The following PDK1 variants were observed in gnomAD, a reference collection of about 807,000 sequenced individuals.
The protein encoded by PDK1 is [Pyruvate dehydrogenase (acetyl-transferring)] kinase isozyme 1, mitochondrial.
Under a neutral mutation model 54.2 loss-of-function variants are expected in PDK1, and 39 were observed. The ratio of observed to expected loss-of-function variants is 0.72; its 90% CI spans 0.56 to 0.94. The LOEUF is 0.94. Ranked by LOEUF, PDK1 falls within the 40% of genes least tolerant of loss-of-function variation. PDK1 has a pLI of 0.00. For missense variants in PDK1, 552 were observed against 566.0 expected, an observed-to-expected ratio of 0.98 and a Z score of 0.25; for synonymous variants, 221 against 207.1, an observed-to-expected ratio of 1.07 and a Z score of -0.58.
At chr2:172,700,286 G>A in the PDK1 span, among the ~76,000 whole-genome samples, 2 of 151,952 alleles carry the variant, frequency 1.3e-5, no homozygotes, top group African/African-American at 4.8e-5. Flanking sequence ...CTCCCAGACG[G>A]GGTGGCGGCC....
chr2:172,669,562 G>A, the PDK1 span, among the ~76,000 whole-genome samples: 14 of 152,074 alleles, frequency 9.2e-5, no homozygotes, highest in African/African-American at 2.7e-4. Flanking sequence ...TGGATCATAC[G>A]GTGGTTTTAT....
the PDK1 span, among the ~76,000 whole-genome samples, chr2:172,688,963 G>A: frequency 6.6e-6 from 1 of 152,098 alleles, no homozygotes; most frequent in Admixed American, 6.6e-5. Context: ...AGCTCTTAAA[G>A]GTGGCCCGGA....
the PDK1 span, among the ~76,000 whole-genome samples, chr2:172,643,197 T>G: frequency 1.3e-5 from 2 of 152,198 alleles, no homozygotes; most frequent in African/African-American, 4.8e-5. Context: ...GCTCTCACAT[T>G]GGTGTTATGG....
At chr2:172,650,612 T>C in the PDK1 span, among the ~76,000 whole-genome samples, 2 of 151,328 alleles carry the variant, frequency 1.3e-5, no homozygotes, top group Non-Finnish European at 2.9e-5. Flanking sequence ...ACACATAGGC[T>C]CAAAATAAAG....
At chr2:172,594,491 A>G (rs1169751242) in intron 10 of PDK1, among the ~76,000 whole-genome samples, 1 of 152,208 alleles carries the variant, frequency 6.6e-6, no homozygotes, top group Non-Finnish European at 1.5e-5. Flanking sequence ...AAAAAATCTC[A>G]TAATGTTTTA....
chr2:172,649,620 A>G, the PDK1 span, among the ~76,000 whole-genome samples: 1 of 152,208 alleles, frequency 6.6e-6, no homozygotes, highest in Non-Finnish European at 1.5e-5. Flanking sequence ...TAACTAGAAT[A>G]AAGAGCGTAG....
the PDK1 span, among the ~76,000 whole-genome samples, chr2:172,657,998 A>G: frequency 9.2e-5 from 14 of 152,166 alleles, no homozygotes; most frequent in African/African-American, 3.1e-4. Flanking sequence ...GGAGAGAGGA[A>G]GCAAGAGAGA....
chr2:172,660,247 CTTTTTTTTTTT>C, the PDK1 span, among the ~76,000 whole-genome samples: 1 of 44,218 alleles, frequency 2.3e-5, no homozygotes, highest in Admixed American at 4.3e-4. Context: ...CTCTCTCTCT[CTTTTTTTTTTT>C]TTTTTTTTTT....
At chr2:172,622,828 A>G in the PDK1 span, among the ~76,000 whole-genome samples, 1 of 147,410 alleles carries the variant, frequency 6.8e-6, no homozygotes, top group South Asian at 2.1e-4. Flanking sequence ...TATATATTAT[A>G]TGTAATATGA....
intron 8 of PDK1, among the ~76,000 whole-genome samples, chr2:172,573,103 G>A (rs1322434010): frequency 1.3e-5 from 2 of 152,134 alleles, no homozygotes; most frequent in Non-Finnish European, 2.9e-5. Flanking sequence ...GTTATCTTAT[G>A]TATATACCTA....
intron 8 of PDK1, among the ~76,000 whole-genome samples, chr2:172,583,438 C>T (rs1289151281): frequency 6.6e-6 from 1 of 151,654 alleles, no homozygotes; most frequent in African/African-American, 2.4e-5. Flanking sequence ...AGATTACAGG[C>T]GTGCACCATG....
At chr2:172,703,568 T>A in the PDK1 span, among the ~76,000 whole-genome samples, 28,700 of 151,868 alleles carry the variant, frequency 0.19, 3,306 homozygotes, top group African/African-American at 0.32. Context: ...AATAAGCAGG[T>A]GCTAAAATTA....
At chr2:172,581,053 C>T (rs1292058686) in intron 8 of PDK1, among the ~76,000 whole-genome samples, 1 of 151,712 alleles carries the variant, frequency 6.6e-6, no homozygotes, top group Non-Finnish European at 1.5e-5. Flanking sequence ...AAAAACCATT[C>T]AATTATATAC....
chr2:172,641,006 CTT>C, the PDK1 span, among the ~76,000 whole-genome samples: 4 of 18,802 alleles, frequency 2.1e-4, no homozygotes, highest in Non-Finnish European at 1.6e-3. Context: ...TTTTTCTTTT[CTT>C]TCTTTCTTTC....
chr2:172,573,535 A>G (rs1445775754), intron 8 of PDK1, among the ~76,000 whole-genome samples: 1 of 151,344 alleles, frequency 6.6e-6, no homozygotes, highest in Non-Finnish European at 1.5e-5. Context: ...ACATATACAT[A>G]TATACATACA....
In PDK1 at chr2:172,556,177, A is replaced by T. The variant is rs1688307871; in HGVS notation, c.27A>T (p.Gly9=). Residue 9 remains glycine (G), a synonymous_variant, in exon 1 of 11, where the codon GGA becomes GGT. Transcript: ENST00000282077. ...TGAGGCTGGCGCGGCTGCTTCGCGG[A>T]GCCGCCTTGGCCGGCCCGGGCCCGG... MRLARLLR[G]AALAGPGPGL... The T allele has an allele frequency of 7.0e-7, 1 of 1,418,568 alleles. No homozygotes were observed. Among genetic ancestry groups the T allele is most frequent in the South Asian group, 1.5e-5 (1 of 68,014 alleles). 87.9% of individuals were successfully genotyped at this position (1,418,568 alleles called of 1,614,324 possible).
the PDK1 span, among the ~76,000 whole-genome samples, chr2:172,696,844 A>C: frequency 3.3e-5 from 5 of 152,198 alleles, no homozygotes; most frequent in Non-Finnish European, 5.9e-5. Flanking sequence ...CTTGTAGTGT[A>C]TGAAATTATT....
chr2:172,686,446 A>T, the PDK1 span, among the ~76,000 whole-genome samples: 2 of 152,258 alleles, frequency 1.3e-5, no homozygotes, highest in South Asian at 4.1e-4. Context: ...AGCTAGCTGG[A>T]GGTTTGTAAA....
At chr2:172,694,498 C>T in the PDK1 span, among the ~76,000 whole-genome samples, 2 of 152,188 alleles carry the variant, frequency 1.3e-5, no homozygotes, top group African/African-American at 4.8e-5. Context: ...CACAGACTCT[C>T]CCTGTCTGTG....
Sources: allele counts gnomAD v4.1 joint callset (sites outside exome capture counted in the v4.1 genomes callset), GRCh38; gene constraint gnomAD v4.1.1; transcripts MANE v1.5; gene names NCBI Gene and HGNC (gene_info 2026-07-23, HGNC 2026-07-21).